Variants in CWC27 observed in about 807,000 individuals in gnomAD.
The protein encoded by CWC27 is CWC27 spliceosome associated cyclophilin, also known as spliceosome-associated protein CWC27 homolog.
A neutral mutation model predicts 63.6 loss-of-function variants in CWC27; 47 were observed. The observed-to-expected ratio is 0.74, with a 90% CI of 0.58 to 0.94. The LOEUF (loss-of-function observed/expected upper bound fraction) is 0.94. Among genes scored for constraint, CWC27 ranks in the 40% least tolerant of loss-of-function variants. CWC27 has a pLI of 0.00. For missense variants in CWC27, 495 were observed against 554.3 expected, an observed-to-expected ratio of 0.89 and a Z score of 1.07; for synonymous variants, 175 against 179.8, an observed-to-expected ratio of 0.97 and a Z score of 0.22.
intron 11 of CWC27, among the ~76,000 whole-genome samples, chr5:64,960,001 C>T (rs868434619): frequency 1.3e-5 from 2 of 152,048 alleles, no homozygotes; most frequent in African/African-American, 4.8e-5. Flanking sequence ...TAAGGAGAAT[C>T]GAGAAAAAGC....
At chr5:64,882,757 C>T (rs556853450) in intron 10 of CWC27, among the ~76,000 whole-genome samples, 2 of 152,188 alleles carry the variant, frequency 1.3e-5, no homozygotes, top group African/African-American at 4.8e-5. Flanking sequence ...CCCCGCCTGG[C>T]CAATGTTTTG....
chr5:64,919,090 AT>A (rs1747944918), intron 11 of CWC27, among the ~76,000 whole-genome samples: 1 of 152,212 alleles, frequency 6.6e-6, no homozygotes, highest in African/African-American at 2.4e-5. Context: ...ATTTCCATAT[AT>A]TTTTGCTGTA....
At chr5:64,889,361 A>G (rs534222857) in intron 11 of CWC27, among the ~76,000 whole-genome samples, 1 of 152,328 alleles carries the variant, frequency 6.6e-6, no homozygotes, top group South Asian at 2.1e-4. Context: ...TGGTAACTGT[A>G]TTATTTTTGC....
chr5:64,895,685 G>A (rs1747356572), intron 11 of CWC27, among the ~76,000 whole-genome samples: 1 of 152,114 alleles, frequency 6.6e-6, no homozygotes, highest in East Asian at 1.9e-4. Flanking sequence ...TAAATGTTAA[G>A]TAAGTGTGTG....
At chr5:64,951,380 ATAT>A (rs1748706446) in intron 11 of CWC27, among the ~76,000 whole-genome samples, 1 of 151,826 alleles carries the variant, frequency 6.6e-6, no homozygotes, top group Admixed American at 6.6e-5. Context: ...TATTTTAATC[ATAT>A]TATTTTAATT....
Position 64,801,284 on chromosome 5 carries a change from T to C in CWC27, c.750-18T>C. 7.0e-7 allele frequency: 1 copy of C among 1,420,510 alleles called. No homozygotes were observed. The highest frequency in any genetic ancestry group is 9.5e-7 in the Non-Finnish European group (1 of 1,051,540). The allele number at this position is 1,420,510 out of a possible 1,614,324, so 88.0% of individuals were successfully genotyped here. Reference sequence around the variant, plus strand: ...TTTACCTTGAAACTAAAATTTGTTTTGCTTATTTTTTTTATAGTGAAAAAG... The same window carrying C: ...TTTACCTTGAAACTAAAATTTGTTTCGCTTATTTTTTTTATAGTGAAAAAG... On this transcript the variant is annotated intron_variant, in intron 8 of 13. Transcript: ENST00000381070.
rs796870037 is a variant in CWC27, at chr5:64,826,703, G to GTT, written c.938+22328_938+22329dup. Among the ~76,000 whole-genome samples, 89 of 141,970 alleles carry GTT rather than the reference G, an allele frequency of 6.3e-4. 1 individual carries two copies. The highest frequency in any genetic ancestry group is 2.2e-3 in the African/African-American group (87 of 39,500). 93.1% of individuals were successfully genotyped at this position (141,970 alleles called of 152,430 possible). Reference sequence around the variant, plus strand: ...TAATTTTTAACTTTGGTGTTTTTTTGTTTTTTTTTTTTGCTAATATCACAA... The same window carrying GTT: ...TAATTTTTAACTTTGGTGTTTTTTTGTTTTTTTTTTTTTTGCTAATATCACAA... On this transcript the variant is annotated intron_variant, in intron 10 of 13. Transcript: ENST00000381070.
intron 11 of CWC27, among the ~76,000 whole-genome samples, chr5:64,954,797 T>C (rs1317392303): frequency 6.6e-6 from 1 of 151,626 alleles, no homozygotes; most frequent in East Asian, 1.9e-4. Context: ...TATATATGTA[T>C]GTATGTTAGT....
chr5:64,876,913 T>A (rs1489128026), intron 10 of CWC27, among the ~76,000 whole-genome samples: 2 of 152,028 alleles, frequency 1.3e-5, no homozygotes, highest in Non-Finnish European at 2.9e-5. Flanking sequence ...TGCAGGATTT[T>A]AAAAAACTAC....
chr5:64,884,555 G>C (rs1285833033), intron 10 of CWC27, among the ~76,000 whole-genome samples: 1 of 152,136 alleles, frequency 6.6e-6, no homozygotes, highest in Non-Finnish European at 1.5e-5. Context: ...TAATATCTTT[G>C]ATAAACATTT....
chr5:64,877,424 G>C (rs73105235), intron 10 of CWC27, among the ~76,000 whole-genome samples: 1,801 of 152,096 alleles, frequency 0.012, 30 homozygotes, highest in African/African-American at 0.041. Flanking sequence ...TGTGTGTTGG[G>C]GGGGATGAAG....
intron 7 of CWC27, among the ~76,000 whole-genome samples, chr5:64,790,551 A>G (rs746446960): frequency 5.3e-5 from 8 of 152,096 alleles, no homozygotes; most frequent in Non-Finnish European, 1.2e-4. Context: ...TTGCATACCC[A>G]TACTTTCCTC....
intron 11 of CWC27, among the ~76,000 whole-genome samples, chr5:64,914,440 GAAAT>G (rs1424031465): frequency 6.6e-6 from 1 of 152,020 alleles, no homozygotes; most frequent in African/African-American, 2.4e-5. Flanking sequence ...AATCATAAGA[GAAAT>G]AAATAACCCA....
rs114060499 is a variant in CWC27 at position 64,807,670 on chromosome 5, G to A, written c.938+3284G>A. The A allele has an allele frequency of 6.2e-3, 9,516 of 1,535,770 alleles. 75 individuals are homozygous for A. Among genetic ancestry groups the A allele is most frequent in the African/African-American group, 0.039 (2,820 of 73,088 alleles). ...AGAATCACACAGGCATATACAAGCT[G>A]GTATTATTATGGATTTCTAGATTCC... On this transcript the variant is annotated intron_variant, in intron 10 of 13. Coordinates refer to ENST00000381070, the MANE Select transcript of CWC27 (RefSeq NM_005869.4).
chr5:64,899,297 CAG>C (rs1747449682), intron 11 of CWC27, among the ~76,000 whole-genome samples: 1 of 152,090 alleles, frequency 6.6e-6, no homozygotes, highest in Non-Finnish European at 1.5e-5. Context: ...ATAAGTATAA[CAG>C]TAGTTGGAAA....
At chr5:64,828,660 T>C (rs1745431817) in intron 10 of CWC27, among the ~76,000 whole-genome samples, 1 of 152,034 alleles carries the variant, frequency 6.6e-6, no homozygotes, top group Non-Finnish European at 1.5e-5. Flanking sequence ...TAGTACCCAG[T>C]TTCCTTATTT....
intron 10 of CWC27, among the ~76,000 whole-genome samples, chr5:64,878,470 T>TAAAAAA (rs397998002): frequency 0.01 from 275 of 26,918 alleles, 32 homozygotes; most frequent in African/African-American, 0.016. Context: ...GGTTACAGAT[T>TAAAAAA]AAAAAAAAAA....
chr5:64,783,697 G>A (rs778898215), intron 3 of CWC27, 139 bp from the exon 4 acceptor site: 153 of 690,062 alleles, frequency 2.2e-4, no homozygotes, highest in African/African-American at 1.6e-3. Context: ...TGAAAGAATA[G>A]TAAATACTTG....
At chr5:64,914,632 G>A (rs1747852213) in intron 11 of CWC27, among the ~76,000 whole-genome samples, 1 of 151,804 alleles carries the variant, frequency 6.6e-6, no homozygotes, top group Non-Finnish European at 1.5e-5. Context: ...TACTGAGAAT[G>A]TGGAGCATTG....
Sources: allele counts gnomAD v4.1 joint callset (sites outside exome capture counted in the v4.1 genomes callset), GRCh38; gene constraint gnomAD v4.1.1; transcripts MANE v1.5; gene names NCBI Gene and HGNC (gene_info 2026-07-23, HGNC 2026-07-21).